ATRX: variants seen among roughly 807,000 people sequenced by gnomAD.
ATRX encodes the protein ATRX chromatin remodeler.
In ATRX, 12 loss-of-function variants were observed where a neutral mutation model predicts 172.6. The ratio of observed to expected loss-of-function variants is 0.07; its 90% CI spans 0.04 to 0.11. The LOEUF is 0.11. Among genes scored for constraint, ATRX ranks in the 10% least tolerant of loss-of-function variants. The pLI is 1.00. For missense variants in ATRX, 1,368 were observed against 1,767.4 expected, an observed-to-expected ratio of 0.77 and a Z score of 4.05; for synonymous variants, 674 against 594.7, an observed-to-expected ratio of 1.13 and a Z score of -1.94.
chrX:77,733,539 C>T (rs1161293645), intron 1 of ATRX, among the ~76,000 whole-genome samples: 3 of 109,175 alleles, frequency 2.7e-5, no homozygotes, highest in East Asian at 2.9e-4. Context: ...AGAAAGGTGC[C>T]GAGAACATAT....
intron 30 of ATRX, among the ~76,000 whole-genome samples, chrX:77,548,376 T>C (rs1234061249): frequency 1.8e-5 from 2 of 111,651 alleles, no homozygotes; most frequent in East Asian, 5.6e-4. Flanking sequence ...TATTCAAACT[T>C]GTTTTATTAA....
intron 15 of ATRX, among the ~76,000 whole-genome samples, chrX:77,649,207 G>A (rs1183248680): frequency 1.8e-5 from 2 of 109,304 alleles, no homozygotes; most frequent in Non-Finnish European, 3.8e-5. Context: ...AGGAAGGAAG[G>A]GAGGAAGGAA....
intron 25 of ATRX, chrX:77,594,399 A>G (rs1256821255): frequency 8.9e-6 from 1 of 112,111 alleles, no homozygotes; most frequent in Non-Finnish European, 1.9e-5. Flanking sequence ...TCGTTCTTAT[A>G]TATTTTCCCC....
At chrX:77,693,767 T>C (rs782659412) in intron 6 of ATRX, 57 bp downstream of exon 6, 16 of 979,466 alleles carry the variant, frequency 1.6e-5, no homozygotes, top group Non-Finnish European at 2.2e-5. Flanking sequence ...CATCCGATTT[T>C]CCAATATGGT....
At chrX:77,634,232 T>TAAAAAAA (rs144290953) in intron 17 of ATRX, among the ~76,000 whole-genome samples, 54 of 54,067 alleles carry the variant, frequency 1.0e-3, no homozygotes, top group African/African-American at 3.8e-3. Flanking sequence ...TTAAAAGTTG[T>TAAAAAAA]AAAAAAAAAA....
At chrX:77,751,798 T>C (rs2075312041) in intron 1 of ATRX, among the ~76,000 whole-genome samples, 1 of 112,099 alleles carries the variant, frequency 8.9e-6, no homozygotes, top group South Asian at 3.7e-4. Context: ...CTTGTCTTTG[T>C]CAGATTTGTT....
At chrX:77,762,996 T>C (rs1557193583) in intron 1 of ATRX, among the ~76,000 whole-genome samples, 1 of 111,349 alleles carries the variant, frequency 9.0e-6, no homozygotes, top group African/African-American at 3.3e-5. Flanking sequence ...CAATACAATA[T>C]GATTATGTTT....
At chrX:77,560,167 A>G (rs2064967345) in intron 28 of ATRX, among the ~76,000 whole-genome samples, 1 of 111,187 alleles carries the variant, frequency 9.0e-6, no homozygotes, top group Non-Finnish European at 1.9e-5. Context: ...GCCTTGTAAA[A>G]CTATCTGTTT....
At chrX:77,763,541 G>A (rs2075800727) in intron 1 of ATRX, among the ~76,000 whole-genome samples, 1 of 107,062 alleles carries the variant, frequency 9.3e-6, no homozygotes, top group Non-Finnish European at 1.9e-5. Flanking sequence ...CACGATCTCG[G>A]CTCACTGCAA....
chrX:77,521,196 A>G, intron 33 of ATRX: 2 of 440,110 alleles, frequency 4.5e-6, no homozygotes, highest in Non-Finnish European at 7.9e-6. Context: ...TGATTTCTCA[A>G]TTCTTACATT....
intron 5 of ATRX, among the ~76,000 whole-genome samples, chrX:77,696,353 A>C (rs1201238240): frequency 8.9e-6 from 1 of 112,215 alleles, no homozygotes; most frequent in Non-Finnish European, 1.9e-5. Context: ...AAGGAAAGAA[A>C]AAAATAGATT....
At chrX:77,738,534 G>GT (rs1271376925) in intron 1 of ATRX, among the ~76,000 whole-genome samples, 6 of 84,238 alleles carry the variant, frequency 7.1e-5, no homozygotes, top group Non-Finnish European at 4.7e-5. Flanking sequence ...CTAACAATAT[G>GT]TTTTTTTTGT....
At chrX:77,596,806 G>A (rs1252927904) in intron 25 of ATRX, 1 of 110,836 alleles carries the variant, frequency 9.0e-6, no homozygotes, top group Non-Finnish European at 1.9e-5. Flanking sequence ...GTATTCCCAA[G>A]TGACAAAGGA....
chrX:77,552,601 T>TA (rs1228118807), intron 30 of ATRX, among the ~76,000 whole-genome samples: 12 of 110,679 alleles, frequency 1.1e-4, no homozygotes, highest in African/African-American at 3.9e-4. Flanking sequence ...CCCCAGAACT[T>TA]AAAGTATAAT....
chrX:77,780,432 TTC>T (rs782055623), intron 1 of ATRX, among the ~76,000 whole-genome samples: 2 of 109,928 alleles, frequency 1.8e-5, no homozygotes, highest in African/African-American at 3.3e-5. Context: ...GTTCAAGCAA[TTC>T]TCTGTCTCAG....
chrX:77,686,063 T>C (rs2071535433), intron 7 of ATRX, among the ~76,000 whole-genome samples: 1 of 111,417 alleles, frequency 9.0e-6, no homozygotes, highest in Non-Finnish European at 1.9e-5. Context: ...GGAAAGGTAG[T>C]GAGGGGATAG....
intron 12 of ATRX, among the ~76,000 whole-genome samples, chrX:77,658,003 A>G (rs2069645080): frequency 1.8e-5 from 2 of 110,800 alleles, no homozygotes; most frequent in Admixed American, 9.6e-5. Flanking sequence ...GAGCCCACGA[A>G]TTTGAGACCA....
intron 10 of ATRX, chrX:77,674,409 T>C (rs1188397587): frequency 9.0e-6 from 1 of 111,410 alleles, no homozygotes; most frequent in Admixed American, 9.5e-5. Flanking sequence ...TAGAAAGACA[T>C]GCTCAAGATA....
At chrX:77,612,045 G>A (rs2067178671) in intron 22 of ATRX, among the ~76,000 whole-genome samples, 1 of 111,439 alleles carries the variant, frequency 9.0e-6, no homozygotes, top group South Asian at 3.7e-4. Flanking sequence ...CCACCACTTA[G>A]AGAAAACCAT....
Sources: allele counts gnomAD v4.1 joint callset (sites outside exome capture counted in the v4.1 genomes callset), GRCh38; gene constraint gnomAD v4.1.1; transcripts MANE v1.5; gene names NCBI Gene and HGNC (gene_info 2026-07-23, HGNC 2026-07-21).